Variants in PTPN14 observed in about 807,000 individuals in gnomAD.
The protein encoded by PTPN14 is tyrosine-protein phosphatase non-receptor type 14.
In PTPN14, 53 loss-of-function variants were observed where a neutral mutation model predicts 126.8. That is an observed-to-expected ratio of 0.42 (90% CI 0.34 to 0.53). The LOEUF is 0.53. PTPN14 is among the 20% of genes least tolerant of loss of function. The probability of loss-of-function intolerance (pLI) is 0.08; values close to 1 mark genes in which losing one functional copy is unlikely to be tolerated. For missense variants in PTPN14, 1,257 were observed against 1,552.9 expected (o/e 0.81, Z 3.20); for synonymous variants, 630 against 599.3 (o/e 1.05, Z -0.75).
intron 1 of PTPN14, among the ~76,000 whole-genome samples, chr1:214,545,188 G>T (rs1180180577): frequency 6.6e-6 from 1 of 152,210 alleles, no homozygotes; most frequent in Non-Finnish European, 1.5e-5. Flanking sequence ...AACCCTTTCT[G>T]CAGCGCTGAA....
chr1:214,477,526 T>A (rs796409863), intron 1 of PTPN14, among the ~76,000 whole-genome samples: 1 of 152,216 alleles, frequency 6.6e-6, no homozygotes, highest in Non-Finnish European at 1.5e-5. Flanking sequence ...AAAAAGAACC[T>A]GTCTAATGCT....
intron 1 of PTPN14, among the ~76,000 whole-genome samples, chr1:214,505,059 C>T (rs568231449): frequency 7.2e-5 from 11 of 151,882 alleles, no homozygotes; most frequent in Non-Finnish European, 1.6e-4. Flanking sequence ...TACTTGTGGC[C>T]AGTCTCATGG....
At chr1:214,399,546 A>G (rs975424167) in intron 7 of PTPN14, among the ~76,000 whole-genome samples, 1 of 152,212 alleles carries the variant, frequency 6.6e-6, no homozygotes, top group African/African-American at 2.4e-5. Flanking sequence ...AAGGAAGCCA[A>G]GAGGAGACCT....
intron 3 of PTPN14, among the ~76,000 whole-genome samples, chr1:214,421,253 G>A (rs544037328): frequency 6.6e-6 from 1 of 152,220 alleles, no homozygotes; most frequent in Non-Finnish European, 1.5e-5. Context: ...GCTGTAACAT[G>A]GATGAACTCT....
intron 5 of PTPN14, among the ~76,000 whole-genome samples, chr1:214,407,089 C>T (rs2102573735): frequency 6.6e-6 from 1 of 152,300 alleles, no homozygotes; most frequent in South Asian, 2.1e-4. Flanking sequence ...TTGACTCAAG[C>T]ATATTGACAT....
chr1:214,386,904 T>G lies in PTPN14; in HGVS notation c.1006A>C (p.Ile336Leu), dbSNP rs769603309. The part of the protein sequence containing the change: ...RSSLPRQQPY[I>L]LPPVHVQCGE... ...CACTGGACGTGAACGGGAGGCAGGATGTACGGCTGCTGCCTGGGCTGAAAC... is the reference window on the plus strand; with the variant it reads ...CACTGGACGTGAACGGGAGGCAGGAGGTACGGCTGCTGCCTGGGCTGAAAC... The change falls in exon 12 of 19, where the codon ATC becomes CTC. Residue 336 changes from isoleucine to leucine, a missense_variant. Physicochemically the swap from Ile to Leu is conservative, Grantham distance 5. Coordinates refer to ENST00000366956, the MANE Select transcript of PTPN14 (RefSeq NM_005401.5). 1.2e-6 allele frequency: 2 copies of G among 1,606,534 alleles called. No individual in the cohort carries two copies. Among genetic ancestry groups the G allele is most frequent in the Admixed American group, 1.7e-5 (1 of 59,906 alleles).
At chr1:214,441,438 C>T (rs1194608160) in intron 3 of PTPN14, among the ~76,000 whole-genome samples, 4 of 152,196 alleles carry the variant, frequency 2.6e-5, no homozygotes, top group Admixed American at 6.5e-5. Context: ...GTTTCTTTAA[C>T]GTGTGGATGT....
intron 1 of PTPN14, among the ~76,000 whole-genome samples, chr1:214,517,540 T>C (rs1655134340): frequency 6.7e-6 from 1 of 149,922 alleles, no homozygotes; most frequent in Admixed American, 6.6e-5. Flanking sequence ...ATCATAGCAC[T>C]AGCCAGAGGC....
chr1:214,432,876 C>CT (rs1659826125), intron 3 of PTPN14, among the ~76,000 whole-genome samples: 1 of 152,122 alleles, frequency 6.6e-6, no homozygotes, highest in South Asian at 2.1e-4. Flanking sequence ...TAGTGACTGA[C>CT]TGCATGGGTG....
chr1:214,480,642 A>G (rs1441234461), intron 1 of PTPN14, among the ~76,000 whole-genome samples: 1 of 152,252 alleles, frequency 6.6e-6, no homozygotes, highest in Non-Finnish European at 1.5e-5. Flanking sequence ...CTACAGTGCC[A>G]TGTCACAGCA....
At chr1:214,515,881 T>C (rs529795757) in intron 1 of PTPN14, among the ~76,000 whole-genome samples, 3 of 152,334 alleles carry the variant, frequency 2.0e-5, no homozygotes, top group African/African-American at 7.2e-5. Context: ...TTGAGAAATA[T>C]CTTGCTATTT....
intron 1 of PTPN14, among the ~76,000 whole-genome samples, chr1:214,479,914 T>C (rs1313369333): frequency 2.6e-5 from 4 of 152,226 alleles, no homozygotes; most frequent in African/African-American, 9.6e-5. Flanking sequence ...TAATTATGTT[T>C]AATTTATTGT....
chr1:214,409,303 C>G (rs1255984063), intron 5 of PTPN14, among the ~76,000 whole-genome samples: 1 of 152,206 alleles, frequency 6.6e-6, no homozygotes, highest in Non-Finnish European at 1.5e-5. Context: ...TCTTTTGATT[C>G]CACATACAAG....
intron 1 of PTPN14, among the ~76,000 whole-genome samples, chr1:214,548,057 C>G (rs1656016239): frequency 6.6e-6 from 1 of 152,188 alleles, no homozygotes; most frequent in African/African-American, 2.4e-5. Flanking sequence ...TTGACCTATT[C>G]TGTGTGAGGT....
intron 1 of PTPN14, among the ~76,000 whole-genome samples, chr1:214,475,008 A>G (rs1362195190): frequency 3.3e-5 from 5 of 152,204 alleles, no homozygotes; most frequent in African/African-American, 1.2e-4. Context: ...TTAAAAAATC[A>G]CGAGGGTTTG....
rs1044907377 is a variant in PTPN14, at chr1:214,364,162, G to T, written c.3435+350C>A. On this transcript the variant is annotated intron_variant, in intron 18 of 18. Coordinates refer to ENST00000366956, the MANE Select transcript of PTPN14 (RefSeq NM_005401.5). The surrounding 1 kb of genome is among the most constrained non-coding windows in gnomAD (Gnocchi z 4.1). ...TGCAAGATGCATCGAAACTATATGG[G>T]GTCAAATAACTCACCATGGAAAATT... 2.0e-5 allele frequency among the ~76,000 whole-genome samples: 3 copies of T among 152,018 alleles called. No homozygotes were observed. Among genetic ancestry groups the T allele is most frequent in the African/African-American group, 4.8e-5 (2 of 41,358 alleles).
intron 1 of PTPN14, among the ~76,000 whole-genome samples, chr1:214,546,265 A>G (rs1655966784): frequency 6.6e-6 from 1 of 152,174 alleles, no homozygotes; most frequent in Admixed American, 6.5e-5. Context: ...GGGAACGGCA[A>G]CCTTTGTTTA....
At chr1:214,372,465 C>T (rs951744997) in intron 16 of PTPN14, 67 of 506,704 alleles carry the variant, frequency 1.3e-4, no homozygotes, top group Non-Finnish European at 1.9e-4. Context: ...GCATTACAAT[C>T]CAAGGAAAAG....
chr1:214,462,354 C>G (rs1330377792), intron 2 of PTPN14, among the ~76,000 whole-genome samples: 4 of 152,162 alleles, frequency 2.6e-5, no homozygotes, highest in Non-Finnish European at 4.4e-5. Flanking sequence ...TATTACCATA[C>G]ACATCTCCAC....
Sources: allele counts gnomAD v4.1 joint callset (sites outside exome capture counted in the v4.1 genomes callset), GRCh38; gene constraint gnomAD v4.1.1; non-coding constraint Gnocchi (gnomAD v3.1); transcripts MANE v1.5; gene names NCBI Gene and HGNC (gene_info 2026-07-23, HGNC 2026-07-21).